MICAL3: variants seen among roughly 807,000 people sequenced by gnomAD.
MICAL3 encodes microtubule associated monooxygenase, calponin and LIM domain containing 3, also known as [F-actin]-monooxygenase MICAL3.
A neutral mutation model predicts 207.4 loss-of-function variants in MICAL3; 62 were observed. That is an observed-to-expected ratio of 0.30 (90% CI 0.24 to 0.37). MICAL3 has a LOEUF of 0.37. Among genes scored for constraint, MICAL3 ranks in the 10% least tolerant of loss-of-function variants. MICAL3 has a pLI of 1.00. For missense variants in MICAL3, 2,368 were observed against 2,635.6 expected, an observed-to-expected ratio of 0.90 and a Z score of 2.22; for synonymous variants, 1,077 against 1,069.3, an observed-to-expected ratio of 1.01 and a Z score of -0.14.
At chr22:17,925,003 C>T (rs1274073579) in intron 1 of MICAL3, among the ~76,000 whole-genome samples, 1 of 152,122 alleles carries the variant, frequency 6.6e-6, no homozygotes, top group Non-Finnish European at 1.5e-5. Context: ...TGAAATTGAC[C>T]AAATAGCAAC....
chr22:17,851,859 G>A (rs1925374032), intron 19 of MICAL3, among the ~76,000 whole-genome samples: 1 of 152,238 alleles, frequency 6.6e-6, no homozygotes, highest in African/African-American at 2.4e-5. Context: ...ACGGTAGAGA[G>A]GAGTTTGGTT....
At chr22:17,942,602 C>T (rs1224480526) in intron 1 of MICAL3, among the ~76,000 whole-genome samples, 1 of 152,228 alleles carries the variant, frequency 6.6e-6, no homozygotes, top group Non-Finnish European at 1.5e-5. Flanking sequence ...CAGCAGATCC[C>T]TGATGAAAAG....
At chr22:17,805,045 G>A (rs763674717) in intron 29 of MICAL3, among the ~76,000 whole-genome samples, 1 of 152,204 alleles carries the variant, frequency 6.6e-6, no homozygotes, top group Non-Finnish European at 1.5e-5. Context: ...ATGCTAGAGC[G>A]CTTCTCTGGA....
intron 19 of MICAL3, among the ~76,000 whole-genome samples, chr22:17,850,400 G>GT (rs565667574): frequency 0.047 from 3,478 of 74,250 alleles, 715 homozygotes; most frequent in African/African-American, 0.087. Flanking sequence ...TTTTGAATTA[G>GT]TTTTTTTTTT....
chr22:17,941,344 A>G (rs983509760), intron 1 of MICAL3, among the ~76,000 whole-genome samples: 2 of 152,220 alleles, frequency 1.3e-5, no homozygotes, highest in Non-Finnish European at 2.9e-5. Context: ...ATGGCTGTCA[A>G]TCAGTGGATA....
chr22:17,860,917 T>G (rs1246735913), intron 19 of MICAL3: 9 of 985,250 alleles, frequency 9.1e-6, no homozygotes, highest in Non-Finnish European at 9.6e-6. Flanking sequence ...GCTTCACAAT[T>G]ATTATAATTA....
chr22:17,915,963 C>A (rs548196028), intron 1 of MICAL3, among the ~76,000 whole-genome samples: 10 of 150,330 alleles, frequency 6.7e-5, no homozygotes, highest in African/African-American at 2.5e-4. Context: ...TAGATGCACA[C>A]CTGTCGTCCC....
chr22:17,874,435 C>T (rs2146175615), intron 16 of MICAL3, among the ~76,000 whole-genome samples: 1 of 152,264 alleles, frequency 6.6e-6, no homozygotes, highest in Admixed American at 6.5e-5. Flanking sequence ...AGTATGAGGC[C>T]AGGACACCAA....
intron 1 of MICAL3, among the ~76,000 whole-genome samples, chr22:18,003,474 T>G (rs1365998113): frequency 6.6e-6 from 1 of 152,090 alleles, no homozygotes; most frequent in Non-Finnish European, 1.5e-5. Flanking sequence ...ACCCCACTGC[T>G]CACCCCTCCC....
chr22:17,931,914 A>G (rs1163561120), intron 1 of MICAL3, among the ~76,000 whole-genome samples: 1 of 152,232 alleles, frequency 6.6e-6, no homozygotes, highest in African/African-American at 2.4e-5. Flanking sequence ...AGTATATGTC[A>G]AGATCCGTGC....
intron 1 of MICAL3, among the ~76,000 whole-genome samples, chr22:17,980,691 C>G (rs945986061): frequency 6.6e-6 from 1 of 152,238 alleles, no homozygotes; most frequent in Non-Finnish European, 1.5e-5. Context: ...CAACCTACAA[C>G]GAGCAGCTGT....
chr22:17,966,837 G>A (rs1935164360), intron 1 of MICAL3, among the ~76,000 whole-genome samples: 1 of 152,172 alleles, frequency 6.6e-6, no homozygotes, highest in Non-Finnish European at 1.5e-5. Context: ...CTGGAACTCA[G>A]GAAGCAGCTG....
chr22:17,968,241 T>G (rs1188189291), intron 1 of MICAL3, among the ~76,000 whole-genome samples: 1 of 151,994 alleles, frequency 6.6e-6, no homozygotes, highest in Non-Finnish European at 1.5e-5. Context: ...GGGAATCAGA[T>G]AGCGTGCCCA....
At chr22:17,790,955 G>A (rs749749919) in intron 31 of MICAL3, 39 bp from the exon 32 acceptor site, 1 of 1,612,978 alleles carries the variant, frequency 6.2e-7, no homozygotes, top group Admixed American at 1.7e-5. Flanking sequence ...GGGCCTGGAG[G>A]TGGCACCCAC....
intron 19 of MICAL3, among the ~76,000 whole-genome samples, chr22:17,845,580 T>G (rs1924546939): frequency 6.6e-6 from 1 of 150,976 alleles, no homozygotes; most frequent in Non-Finnish European, 1.5e-5. Flanking sequence ...GTTAGCCGGC[T>G]GCAAAAAAAA....
At chr22:17,957,708 CAAAA>C (rs374917425) in intron 1 of MICAL3, among the ~76,000 whole-genome samples, 23 of 106,298 alleles carry the variant, frequency 2.2e-4, no homozygotes, top group Admixed American at 2.8e-4. Flanking sequence ...GAAACTATGT[CAAAA>C]AAAAAAAAAA....
At chr22:17,918,697 T>C (rs1357005709) in intron 1 of MICAL3, among the ~76,000 whole-genome samples, 1 of 151,684 alleles carries the variant, frequency 6.6e-6, no homozygotes, top group Non-Finnish European at 1.5e-5. Flanking sequence ...CGCCAGCCTC[T>C]CCATCCCTGC....
chr22:18,017,887 A>T (rs1032057657), intron 1 of MICAL3, among the ~76,000 whole-genome samples: 6 of 151,878 alleles, frequency 4.0e-5, no homozygotes, highest in African/African-American at 1.5e-4. Context: ...AGTAGCTGGT[A>T]CTACAGGTGC....
intron 29 of MICAL3, 99 bp downstream of exon 29, chr22:17,808,745 A>G: frequency 1.1e-6 from 1 of 941,166 alleles, no homozygotes; most frequent in Non-Finnish European, 1.6e-6. Context: ...CTGCTGGAAA[A>G]GGAGCTGAAT....
Sources: gnomAD v4.1 joint callset for allele counts (sites outside exome capture counted in the v4.1 genomes callset) on GRCh38, gnomAD v4.1.1 for gene constraint, MANE v1.5 for transcripts, NCBI Gene and HGNC (gene_info 2026-07-23, HGNC 2026-07-21) for gene names.